THSD4: variants seen among roughly 807,000 people sequenced by gnomAD.
THSD4 encodes the protein thrombospondin type 1 domain containing 4.
THSD4 carries 69 observed loss-of-function variants against 119.0 expected under a neutral mutation model. The observed-to-expected ratio is 0.58, with a 90% CI of 0.48 to 0.71. The LOEUF is 0.71. Among genes scored for constraint, THSD4 ranks in the 30% least tolerant of loss-of-function variants. THSD4 has a pLI of 0.00. For synonymous variants in THSD4, 524 were observed against 540.4 expected (o/e 0.97, Z 0.42); for missense variants, 1,393 against 1,391.1 (o/e 1.00, Z -0.02).
At position 71,645,246 on chromosome 15, in the gene THSD4, A is replaced by C. The variant is rs895120944; in HGVS notation, c.1153-15284A>C. Among the ~76,000 whole-genome samples the C allele has an allele frequency of 4.6e-5, 7 of 152,140 alleles. No individual in the cohort carries two copies. In the South Asian group the frequency reaches 1.2e-3, roughly 27 times the overall value. ...AGATTCTGCAATTTATAAAGGAAAGAGGCTTAATTGACTCACAATTCCACA... is the reference window on the plus strand; with the variant it reads ...AGATTCTGCAATTTATAAAGGAAAGCGGCTTAATTGACTCACAATTCCACA... On this transcript the variant is annotated intron_variant, in intron 7 of 17. Transcript: ENST00000261862.
chr15:71,378,280 T>C (rs541657302), intron 6 of THSD4, among the ~76,000 whole-genome samples: 1 of 152,170 alleles, frequency 6.6e-6, no homozygotes, highest in Non-Finnish European at 1.5e-5. Flanking sequence ...ATAAAGATGC[T>C]GAGAAAGGGA....
chr15:71,686,777 T>C (rs2051920020), intron 8 of THSD4, among the ~76,000 whole-genome samples: 1 of 152,198 alleles, frequency 6.6e-6, no homozygotes, highest in African/African-American at 2.4e-5. Context: ...TTTTAGGCTT[T>C]GCAGTCCCTA....
At chr15:71,670,402 A>C (rs1234239603) in intron 8 of THSD4, among the ~76,000 whole-genome samples, 1 of 151,668 alleles carries the variant, frequency 6.6e-6, no homozygotes, top group African/African-American at 2.4e-5. Flanking sequence ...CCTACAAAGG[A>C]CATGAACTCA....
At chr15:71,394,266 C>CTTTTTT (rs58372446) in intron 6 of THSD4, among the ~76,000 whole-genome samples, 29 of 89,684 alleles carry the variant, frequency 3.2e-4, no homozygotes, top group East Asian at 1.1e-3. Flanking sequence ...ACACATTTGT[C>CTTTTTT]TTTTTTTTTT....
At chr15:71,452,121 A>G (rs2047273592) in intron 7 of THSD4, among the ~76,000 whole-genome samples, 1 of 152,156 alleles carries the variant, frequency 6.6e-6, no homozygotes, top group South Asian at 2.1e-4. Context: ...AGCTCTGGCC[A>G]TCCACCTCAT....
At chr15:71,520,634 A>G (rs988848019) in intron 7 of THSD4, among the ~76,000 whole-genome samples, 5 of 152,246 alleles carry the variant, frequency 3.3e-5, no homozygotes, top group East Asian at 1.9e-4. Flanking sequence ...TCATTCATTA[A>G]GCACTTACAA....
chr15:71,537,303 T>C (rs1310697760), intron 7 of THSD4, among the ~76,000 whole-genome samples: 1 of 152,102 alleles, frequency 6.6e-6, no homozygotes, highest in Non-Finnish European at 1.5e-5. Context: ...CTTTGCAAAA[T>C]GCAAATCTGG....
intron 6 of THSD4, among the ~76,000 whole-genome samples, chr15:71,371,023 C>G (rs1404835261): frequency 6.6e-6 from 1 of 152,152 alleles, no homozygotes; most frequent in African/African-American, 2.4e-5. Flanking sequence ...GATCCCTTTA[C>G]CATTATGTAA....
At chr15:71,430,584 G>T (rs4776553) in intron 7 of THSD4, among the ~76,000 whole-genome samples, 82,587 of 151,318 alleles carry the variant, frequency 0.55, 22,790 homozygotes, top group Middle Eastern at 0.64. Flanking sequence ...TGGTGAAATG[G>T]TGTCTCTACT....
At chr15:71,563,236 G>C (rs2049159627) in intron 7 of THSD4, among the ~76,000 whole-genome samples, 1 of 152,136 alleles carries the variant, frequency 6.6e-6, no homozygotes, top group South Asian at 2.1e-4. Context: ...TATCATGACT[G>C]ATGAGGACCC....
chr15:71,207,856 G>T (rs756594235), intron 3 of THSD4, among the ~76,000 whole-genome samples: 2 of 152,152 alleles, frequency 1.3e-5, no homozygotes, highest in Non-Finnish European at 2.9e-5. Context: ...CATGGAACTG[G>T]TTCCTGGTGC....
chr15:71,584,917 A>G lies in THSD4; in HGVS notation c.1153-75613A>G, dbSNP rs1484287472. 4.6e-5 allele frequency among the ~76,000 whole-genome samples: 7 copies of G among 152,274 alleles called. No individual in the cohort carries two copies. In the East Asian group the frequency reaches 1.4e-3, roughly 29 times the overall value. ...GGCTTACATAAAACATCTTATATCT[A>G]TAATAGTCTATTTTAAGCCGATAAC... On this transcript the variant is annotated intron_variant, in intron 7 of 17. Transcript: ENST00000261862.
intron 7 of THSD4, among the ~76,000 whole-genome samples, chr15:71,588,318 A>C (rs1370872014): frequency 1.3e-5 from 2 of 151,854 alleles, no homozygotes; most frequent in Admixed American, 6.5e-5. Context: ...AAAAAAAAAA[A>C]AAAAGAATCT....
At chr15:71,726,045 GCTGGGA>G (rs1303490735) in intron 8 of THSD4, among the ~76,000 whole-genome samples, 6 of 152,220 alleles carry the variant, frequency 3.9e-5, no homozygotes, top group Admixed American at 3.9e-4. Context: ...CTCCCAAAGT[GCTGGGA>G]CTGCAAGCAT....
In THSD4 at chr15:71,636,090, T is replaced by G. The variant is rs147891795; in HGVS notation, c.1153-24440T>G. ...TTCATCCAGATTCTGTCATGGGACCTTCAACAAATTGTTTACCTTCTCCTC... is the reference window on the plus strand; with the variant it reads ...TTCATCCAGATTCTGTCATGGGACCGTCAACAAATTGTTTACCTTCTCCTC... On this transcript the variant is annotated intron_variant, in intron 7 of 17. Coordinates refer to ENST00000261862, the MANE Select transcript of THSD4 (RefSeq NM_024817.3). Among the ~76,000 whole-genome samples, 1,224 of 152,262 alleles carry G rather than the reference T, an allele frequency of 8.0e-3. 7 individuals are homozygous for G. Among genetic ancestry groups the G allele is most frequent in the Non-Finnish European group, 0.013 (863 of 68,020 alleles).
Position 71,145,646 on chromosome 15 carries a change from A to G in THSD4, c.29+4090A>G, listed in dbSNP as rs568055637. Among the ~76,000 whole-genome samples, 5 of 152,238 alleles carry G rather than the reference A, an allele frequency of 3.3e-5. No individual in the cohort carries two copies. The South Asian group carries it at 8.3e-4, about 25-fold the overall frequency. On this transcript the variant is annotated intron_variant, in intron 2 of 17. Transcript: ENST00000261862. ...GAATACAGAAAGGAAGAAAGGGGTT[A>G]AGAAAACGTGTTTTTATGTGTGAGA...
At chr15:71,373,718 G>A (rs2046091888) in intron 6 of THSD4, among the ~76,000 whole-genome samples, 1 of 152,148 alleles carries the variant, frequency 6.6e-6, no homozygotes, top group Admixed American at 6.5e-5. Context: ...AAGGGTCCAG[G>A]CAGATGTTGT....
At chr15:71,490,387 C>T (rs918381392) in intron 7 of THSD4, among the ~76,000 whole-genome samples, 5 of 152,034 alleles carry the variant, frequency 3.3e-5, no homozygotes, top group African/African-American at 4.8e-5. Flanking sequence ...GGTGAAACCC[C>T]GTCTCTACTA....
In THSD4 at chr15:71,183,255, C is replaced by A. The variant is rs543426771; in HGVS notation, c.99+28323C>A. On this transcript the variant is annotated intron_variant, in intron 3 of 17. Coordinates refer to ENST00000261862, the MANE Select transcript of THSD4 (RefSeq NM_024817.3). ...GGATCTTGTGAGACTTAATTCACTA[C>A]CACGAGAATAGTACGGGGGAAACTG... The A allele has an allele frequency of 2.6e-5, 4 of 151,846 alleles. No individual in the cohort carries two copies. In the East Asian group the frequency reaches 7.7e-4, roughly 29 times the overall value. 9.4% of individuals were successfully genotyped at this position (151,846 alleles called of 1,614,324 possible). A position where few individuals can be genotyped will look rare whatever the true frequency, so the allele number is the denominator to read the frequency against.
Sources: gnomAD v4.1 joint callset for allele counts (sites outside exome capture counted in the v4.1 genomes callset) on GRCh38, gnomAD v4.1.1 for gene constraint, MANE v1.5 for transcripts, NCBI Gene and HGNC (gene_info 2026-07-23, HGNC 2026-07-21) for gene names.